PLA2G2A: variants seen among roughly 807,000 people sequenced by gnomAD.
PLA2G2A encodes phospholipase A2, membrane associated.
PLA2G2A carries 6 observed loss-of-function variants against 11.2 expected under a neutral mutation model. The observed-to-expected ratio is 0.54, with a 90% confidence interval of 0.29 to 1.06. The LOEUF (loss-of-function observed/expected upper bound fraction) is 1.06, where lower values mean the gene tolerates loss of function less well. Ranked by LOEUF, PLA2G2A falls within the 50% of genes least tolerant of loss-of-function variation. The pLI is 0.08. For missense variants in PLA2G2A, 133 were observed against 177.1 expected, an observed-to-expected ratio of 0.75 and a Z score of 1.41; for synonymous variants, 69 against 65.8, an observed-to-expected ratio of 1.05 and a Z score of -0.23.
At chr1:19,978,624 T>C in intron 2 of PLA2G2A, 100 bp from the exon 3 acceptor site, 1 of 1,596,936 alleles carries the variant, frequency 6.3e-7, no homozygotes, top group Non-Finnish European at 8.6e-7. Flanking sequence ...AAATGGCTTC[T>C]TTTTTCCCCC....
rs779263473 is a variant in PLA2G2A, at chr1:19,978,078, G to A, written c.229C>T (p.Arg77Cys). The change falls in exon 4 of 5, where the codon CGT becomes TGT. Residue 77 changes from arginine (R) to cysteine (C), a missense_variant. By Grantham distance (180) the Arg-to-Cys change is radical. Transcript: ENST00000482011. ...CTCAGAAATTTGGTGCCACATCCAC[G>A]TTTCTCCAGACGTTTGTAGCAACAG... 32 of 1,613,892 alleles carry A rather than the reference G, an allele frequency of 2.0e-5. No homozygotes were observed. Among genetic ancestry groups the A allele is most frequent in the Middle Eastern group, 1.6e-4 (1 of 6,082 alleles).
chr1:19,979,746 G>A (rs980066665), upstream of PLA2G2A: 1 of 152,342 alleles, frequency 6.6e-6, no homozygotes, highest in Non-Finnish European at 1.5e-5. Flanking sequence ...ATACCCCTAG[G>A]TAATCCCTTT....
At chr1:19,976,096 CTT>C (rs1263134541) in intron 4 of PLA2G2A, among the ~76,000 whole-genome samples, 1 of 152,212 alleles carries the variant, frequency 6.6e-6, no homozygotes, top group Admixed American at 6.5e-5. Context: ...GCCATAATCT[CTT>C]CCTCTTGCTA....
chr1:19,975,531 A>G (rs2046207169), downstream of PLA2G2A: 1 of 672,922 alleles, frequency 1.5e-6, no homozygotes, highest in East Asian at 2.6e-5. Flanking sequence ...AGAAGGCTGG[A>G]AATCTGCTGG....
chr1:19,978,918 C>T lies in PLA2G2A; in HGVS notation c.-106-39G>A. The stretch of plus-strand genomic sequence containing the variant: ...ACATGCTCTCCCATCCAACCTAAGT[C>T]CAGGGTGACTTCCTCTGTCACACTC... On this transcript the variant is annotated intron_variant, in intron 1 of 4. Transcript: ENST00000482011. 4.0e-6 allele frequency: 3 copies of T among 742,048 alleles called. No homozygotes were observed. The South Asian group carries it at 4.5e-5, about 11-fold the overall frequency. 46.0% of individuals were successfully genotyped at this position (742,048 alleles called of 1,614,324 possible).
chr1:19,976,401 C>G (rs996352441), intron 4 of PLA2G2A, among the ~76,000 whole-genome samples: 6 of 152,176 alleles, frequency 3.9e-5, no homozygotes, highest in African/African-American at 1.4e-4. Flanking sequence ...TAGACACTGG[C>G]CACGTGGCAT....
exon 2 of PLA2G2A, chr1:19,978,879 T>A: frequency 9.8e-7 from 1 of 1,020,872 alleles, no homozygotes; most frequent in Non-Finnish European, 1.5e-6. Flanking sequence ...CCTTGGTGGC[T>A]CTGAGACACA....
intron 4 of PLA2G2A, among the ~76,000 whole-genome samples, chr1:19,976,873 T>G (rs1213602043): frequency 6.6e-6 from 1 of 152,220 alleles, no homozygotes; most frequent in Non-Finnish European, 1.5e-5. Context: ...GAGTCCCTCA[T>G]GCGTTTCTGC....
downstream of PLA2G2A, chr1:19,975,647 G>A: frequency 6.5e-7 from 1 of 1,532,772 alleles, no homozygotes; most frequent in African/African-American, 1.4e-5. Flanking sequence ...GGGAGGGAGG[G>A]TATGAGAGAG....
chr1:19,978,835 C>T (rs2046262432), exon 2 of PLA2G2A: 2 of 1,538,566 alleles, frequency 1.3e-6, no homozygotes, highest in East Asian at 2.2e-5. Flanking sequence ...TGGGTGGTCT[C>T]AACTTCTGCC....
At chr1:19,977,771 G>C (rs1224808721) in intron 4 of PLA2G2A, among the ~76,000 whole-genome samples, 1 of 152,194 alleles carries the variant, frequency 6.6e-6, no homozygotes, top group Non-Finnish European at 1.5e-5. Context: ...TTCAGACTCA[G>C]CTTAGGGGTC....
At chr1:19,977,164 C>T (rs978054749) in intron 4 of PLA2G2A, among the ~76,000 whole-genome samples, 1 of 152,168 alleles carries the variant, frequency 6.6e-6, no homozygotes, top group African/African-American at 2.4e-5. Context: ...GGACCCCTCC[C>T]TGGGTGCTGG....
chr1:19,978,423 A>C, exon 3 of PLA2G2A: 1 of 1,611,968 alleles, frequency 6.2e-7, no homozygotes, highest in Non-Finnish European at 8.5e-7. Flanking sequence ...CCCACGCCAC[A>C]GTGGCAGCCG....
intron 2 of PLA2G2A, 43 bp from the exon 3 acceptor site, chr1:19,978,567 T>G: frequency 6.2e-7 from 1 of 1,610,414 alleles, no homozygotes; most frequent in Non-Finnish European, 8.5e-7. Context: ...GGGCATGGGG[T>G]TCTGCGCCCT....
intron 3 of PLA2G2A, 115 bp from the exon 4 acceptor site, chr1:19,978,236 A>G (rs1279352462): frequency 2.2e-6 from 3 of 1,341,674 alleles, no homozygotes; most frequent in Non-Finnish European, 3.2e-6. Flanking sequence ...AACAGTCTAG[A>G]GCAGAAGTTC....
rs200281231 is a variant in PLA2G2A at position 19,978,721 on chromosome 1, G to C, written c.40+13C>G. 1.4e-5 allele frequency: 23 copies of C among 1,613,928 alleles called. No individual in the cohort carries two copies. In the East Asian group the frequency reaches 3.3e-4, roughly 23 times the overall value. ...CTGTCCCCCCATGCTCAGAGGTCAG[G>C]GTCAGCTCTTACCAAAGATCATGAT... On this transcript the variant is annotated intron_variant, in intron 2 of 4. Coordinates refer to ENST00000482011, the Ensembl canonical transcript of PLA2G2A.
chr1:19,980,165 C>G (rs917310330), upstream of PLA2G2A, among the ~76,000 whole-genome samples: 1 of 152,216 alleles, frequency 6.6e-6, no homozygotes, highest in Non-Finnish European at 1.5e-5. Context: ...ACCCCACAGT[C>G]CACCAGGGAG....
exon 5 of PLA2G2A, chr1:19,975,791 G>A (rs370123202): frequency 1.1e-5 from 18 of 1,613,448 alleles, no homozygotes; most frequent in Non-Finnish European, 1.5e-5. Context: ...CAAAACAGGT[G>A]GCAGCAGCCT....
chr1:19,976,885 T>C (rs1364799258), intron 4 of PLA2G2A, among the ~76,000 whole-genome samples: 1 of 152,238 alleles, frequency 6.6e-6, no homozygotes, highest in African/African-American at 2.4e-5. Flanking sequence ...CGTTTCTGCC[T>C]CAACATCCAG....
Sources: gnomAD v4.1 joint callset for allele counts (sites outside exome capture counted in the v4.1 genomes callset) on GRCh38, gnomAD v4.1.1 for gene constraint, MANE v1.5 for transcripts, NCBI Gene and HGNC (gene_info 2026-07-23, HGNC 2026-07-21) for gene names.